Variants in PLCB4 observed in about 807,000 individuals in gnomAD.
PLCB4 encodes 1-phosphatidylinositol 4,5-bisphosphate phosphodiesterase beta-4.
In PLCB4, 77 loss-of-function variants were observed where a neutral mutation model predicts 178.8. The observed-to-expected ratio is 0.43, with a 90% CI of 0.36 to 0.52. PLCB4 has a LOEUF of 0.52. Among genes scored for constraint, PLCB4 ranks in the 20% least tolerant of loss-of-function variants. The probability of loss-of-function intolerance (pLI) is 0.00; values close to 1 mark genes in which losing one functional copy is unlikely to be tolerated. For synonymous variants in PLCB4, 496 were observed against 490.8 expected (o/e 1.01, Z -0.14); for missense variants, 1,024 against 1,453.4 (o/e 0.70, Z 4.80).
At chr20:9,371,699 A>G (rs769114716) in intron 10 of PLCB4, among the ~76,000 whole-genome samples, 81 of 152,334 alleles carry the variant, frequency 5.3e-4, no homozygotes, top group Non-Finnish European at 7.9e-4. Context: ...AATAAATTCA[A>G]TTCTACAAGA....
chr20:9,291,472 G>T (rs2094579363), intron 3 of PLCB4, among the ~76,000 whole-genome samples: 1 of 152,130 alleles, frequency 6.6e-6, no homozygotes. Flanking sequence ...TGAGATTAAG[G>T]ATTTTATTTC....
chr20:9,431,902 C>T (rs1457602184), intron 28 of PLCB4, among the ~76,000 whole-genome samples: 1 of 152,148 alleles, frequency 6.6e-6, no homozygotes, highest in South Asian at 2.1e-4. Context: ...GAATGCCTAT[C>T]AGGCATATGA....
chr20:9,460,199 C>T (rs1244715262), intron 35 of PLCB4, among the ~76,000 whole-genome samples: 1 of 152,212 alleles, frequency 6.6e-6, no homozygotes, highest in African/African-American at 2.4e-5. Flanking sequence ...TAGCATATGA[C>T]ACATATTTTA....
At chr20:9,445,193 G>A (rs116072906) in intron 32 of PLCB4, among the ~76,000 whole-genome samples, 3,154 of 152,236 alleles carry the variant, frequency 0.021, 94 homozygotes, top group African/African-American at 0.072. Flanking sequence ...GAAGAAAAAG[G>A]TAGTACCTCT....
chr20:9,427,660 G>C (rs1299988296), intron 28 of PLCB4, among the ~76,000 whole-genome samples: 2 of 152,224 alleles, frequency 1.3e-5, no homozygotes, highest in African/African-American at 4.8e-5. Context: ...GTTAGACACT[G>C]CTGTAGGAGA....
chr20:9,194,196 A>G (rs2093440054), intron 2 of PLCB4, among the ~76,000 whole-genome samples: 1 of 152,220 alleles, frequency 6.6e-6, no homozygotes, highest in South Asian at 2.1e-4. Flanking sequence ...TTGTTGGGAC[A>G]AGAATGTGAA....
chr20:9,240,246 T>G (rs1433105230), intron 3 of PLCB4, among the ~76,000 whole-genome samples: 2 of 152,164 alleles, frequency 1.3e-5, no homozygotes, highest in African/African-American at 2.4e-5. Context: ...AATGAGGGTC[T>G]TATGACCTAC....
At chr20:9,180,507 G>A (rs1344018295) in intron 2 of PLCB4, among the ~76,000 whole-genome samples, 1 of 152,120 alleles carries the variant, frequency 6.6e-6, no homozygotes, top group Non-Finnish European at 1.5e-5. Flanking sequence ...GTTCTTTAGG[G>A]CTACATCTTG....
intron 4 of PLCB4, among the ~76,000 whole-genome samples, chr20:9,312,097 A>C (rs116558392): frequency 1.9e-3 from 287 of 152,238 alleles, no homozygotes; most frequent in African/African-American, 6.8e-3. Context: ...TTCTCAGTGC[A>C]TTCCGTTGGA....
At chr20:9,335,881 A>T (rs1000440073) in intron 4 of PLCB4, among the ~76,000 whole-genome samples, 1 of 152,176 alleles carries the variant, frequency 6.6e-6, no homozygotes, top group African/African-American at 2.4e-5. Flanking sequence ...GTAATACTTC[A>T]TCTGCCAGAA....
intron 35 of PLCB4, among the ~76,000 whole-genome samples, chr20:9,467,175 A>G (rs887883388): frequency 1.3e-5 from 2 of 152,236 alleles, no homozygotes; most frequent in African/African-American, 4.8e-5. Flanking sequence ...AAACTATCAC[A>G]AGGACAGAAA....
At position 9,469,731 on chromosome 20, in the gene PLCB4, G is replaced by A. The variant is rs143359692; in HGVS notation, c.3350+1059G>A. Among the ~76,000 whole-genome samples, 1,170 of 152,304 alleles carry A rather than the reference G, an allele frequency of 7.7e-3. 16 individuals carry two copies. The highest frequency in any genetic ancestry group is 0.027 in the African/African-American group (1,106 of 41,570). On this transcript the variant is annotated intron_variant, in intron 36 of 39. Transcript: ENST00000378473. ...AGGCAGTCATTGGCCGCCTGAGACT[G>A]GGGGGAAGGTTTGTGTGTCCTCTAT...
intron 2 of PLCB4, among the ~76,000 whole-genome samples, chr20:9,141,149 C>T (rs1434550596): frequency 6.6e-6 from 1 of 152,110 alleles, no homozygotes; most frequent in Non-Finnish European, 1.5e-5. Context: ...TATGCTTCTA[C>T]CACCATGGGG....
chr20:9,208,022 A>C (rs1344502228), intron 2 of PLCB4, among the ~76,000 whole-genome samples: 2 of 151,966 alleles, frequency 1.3e-5, no homozygotes, highest in Admixed American at 6.6e-5. Context: ...GGCCTCACTC[A>C]CCTCTTGGTC....
intron 3 of PLCB4, among the ~76,000 whole-genome samples, chr20:9,307,253 G>A (rs767635658): frequency 2.8e-4 from 43 of 152,176 alleles, no homozygotes; most frequent in Middle Eastern, 3.4e-3. Context: ...CAAGGGGTGA[G>A]GAACAAAGGG....
intron 2 of PLCB4, among the ~76,000 whole-genome samples, chr20:9,200,692 T>A (rs539782063): frequency 9.2e-5 from 14 of 152,274 alleles, no homozygotes; most frequent in African/African-American, 2.6e-4. Flanking sequence ...GAATACAGCA[T>A]TCCCCTCAAG....
intron 7 of PLCB4, among the ~76,000 whole-genome samples, chr20:9,350,550 C>A (rs2034235581): frequency 6.6e-6 from 1 of 152,028 alleles, no homozygotes; most frequent in East Asian, 1.9e-4. Flanking sequence ...CAGTTGGCTT[C>A]TTTTTCTTTT....
chr20:9,205,831 G>T (rs1344583068), intron 2 of PLCB4, among the ~76,000 whole-genome samples: 1 of 151,974 alleles, frequency 6.6e-6, no homozygotes, highest in Non-Finnish European at 1.5e-5. Flanking sequence ...ATATAATTTT[G>T]TCATTTCAAG....
intron 4 of PLCB4, among the ~76,000 whole-genome samples, chr20:9,318,853 A>T (rs543934779): frequency 1.2e-4 from 18 of 152,348 alleles, no homozygotes; most frequent in Admixed American, 9.8e-4. Flanking sequence ...AATGGCTAAA[A>T]TTACAGTGCT....
Sources: allele counts gnomAD v4.1 joint callset (sites outside exome capture counted in the v4.1 genomes callset), GRCh38; gene constraint gnomAD v4.1.1; transcripts MANE v1.5; gene names NCBI Gene and HGNC (gene_info 2026-07-23, HGNC 2026-07-21).